The following SHISA6 variants were observed in gnomAD, a reference collection of about 807,000 sequenced individuals.
The protein encoded by SHISA6 is protein shisa-6.
A neutral mutation model predicts 47.9 loss-of-function variants in SHISA6; 22 were observed. The ratio of observed to expected loss-of-function variants is 0.46; its 90% CI spans 0.33 to 0.66. The LOEUF is 0.66. SHISA6 is among the 30% of genes least tolerant of loss of function. The pLI is 0.02. For synonymous variants in SHISA6, 388 were observed against 337.8 expected (o/e 1.15, Z -1.63); for missense variants, 680 against 764.6 (o/e 0.89, Z 1.30).
chr17:11,324,848 G>A (rs1341481560), intron 2 of SHISA6, among the ~76,000 whole-genome samples: 3 of 152,076 alleles, frequency 2.0e-5, no homozygotes, highest in Admixed American at 6.6e-5. Context: ...CTCACAGAGC[G>A]GTGATCAAAG....
intron 3 of SHISA6, among the ~76,000 whole-genome samples, chr17:11,488,955 C>T (rs1354221541): frequency 6.6e-6 from 1 of 152,136 alleles, no homozygotes; most frequent in African/African-American, 2.4e-5. Flanking sequence ...CTGGGGAGTC[C>T]ACGCTGCTCC....
intron 3 of SHISA6, among the ~76,000 whole-genome samples, chr17:11,483,797 A>C (rs1322093273): frequency 6.6e-6 from 1 of 152,116 alleles, no homozygotes; most frequent in African/African-American, 2.4e-5. Context: ...CTCTATAAAA[A>C]AATTAAAAAT....
At chr17:11,502,108 G>C (rs1340859090) in intron 3 of SHISA6, among the ~76,000 whole-genome samples, 1 of 152,166 alleles carries the variant, frequency 6.6e-6, no homozygotes, top group Non-Finnish European at 1.5e-5. Context: ...TACCATTGCA[G>C]AGGGTTAAGA....
chr17:11,525,297 T>C (rs1440529759), intron 3 of SHISA6, among the ~76,000 whole-genome samples: 1 of 152,068 alleles, frequency 6.6e-6, no homozygotes, highest in Middle Eastern at 3.2e-3. Context: ...GATGTACACT[T>C]ATTGGTACAA....
In SHISA6 at chr17:11,253,851, A is replaced by G. The variant is rs1038318339; in HGVS notation, c.639-9515A>G. ...CGCTTTTCTGCTTCTTGCCACAGTCATAACCAGCTGGGCCTGAGAGGTTAT... is the reference window on the plus strand; with the variant it reads ...CGCTTTTCTGCTTCTTGCCACAGTCGTAACCAGCTGGGCCTGAGAGGTTAT... On this transcript the variant is annotated intron_variant, in intron 1 of 5. Transcript: ENST00000441885. Among the ~76,000 whole-genome samples the G allele has an allele frequency of 1.6e-4, 25 of 152,220 alleles. No individual in the cohort carries two copies. In the Middle Eastern group the frequency reaches 0.014, roughly 83 times the overall value.
chr17:11,394,980 T>C (rs550129338), intron 3 of SHISA6, among the ~76,000 whole-genome samples: 192 of 149,836 alleles, frequency 1.3e-3, no homozygotes, highest in African/African-American at 4.5e-3. Context: ...ATGGTGGCCC[T>C]TTATTTTTTT....
At chr17:11,481,528 C>T (rs1217225240) in intron 3 of SHISA6, among the ~76,000 whole-genome samples, 16 of 150,608 alleles carry the variant, frequency 1.1e-4, no homozygotes, top group South Asian at 2.1e-4. Context: ...AGTCTCGCTC[C>T]GTCGCCCAGG....
chr17:11,424,042 A>G (rs995364210), intron 3 of SHISA6, among the ~76,000 whole-genome samples: 3 of 152,230 alleles, frequency 2.0e-5, no homozygotes, highest in African/African-American at 7.2e-5. Flanking sequence ...ATTAGGCTAA[A>G]TAGTTTAGAA....
Position 11,241,313 on chromosome 17 carries a change from G to A in SHISA6, c.-110G>A. The A allele has an allele frequency of 3.0e-6, 2 of 670,370 alleles. No homozygotes were observed. The highest frequency in any genetic ancestry group is 3.7e-6 in the Non-Finnish European group (2 of 542,644). 41.5% of individuals were successfully genotyped at this position (670,370 alleles called of 1,614,324 possible). A position where few individuals can be genotyped will look rare whatever the true frequency, so the allele number is the denominator to read the frequency against. Reference sequence around the variant, plus strand: ...ATGGCGCCATCGCCCCGGAGCCGCTGACCGCTCAGCGCCTCCAGCCCGGCC... The same window carrying A: ...ATGGCGCCATCGCCCCGGAGCCGCTAACCGCTCAGCGCCTCCAGCCCGGCC... On this transcript the variant is annotated 5_prime_UTR_variant, in exon 1 of 6. It removes the in-frame stop codon of an upstream open reading frame in the 5' UTR. Coordinates refer to ENST00000441885, the MANE Select transcript of SHISA6 (RefSeq NM_207386.4). This position sits in a 1 kb window ranked among gnomAD's most constrained non-coding sequence, Gnocchi z 5.5.
chr17:11,345,116 C>A (rs1911656425), intron 2 of SHISA6, among the ~76,000 whole-genome samples: 1 of 152,030 alleles, frequency 6.6e-6, no homozygotes, highest in Non-Finnish European at 1.5e-5. Context: ...GGAATTCATT[C>A]TTTTTTTATG....
chr17:11,282,954 A>G (rs945143160), intron 2 of SHISA6, among the ~76,000 whole-genome samples: 2 of 152,222 alleles, frequency 1.3e-5, no homozygotes, highest in African/African-American at 4.8e-5. Flanking sequence ...GGTTTACATT[A>G]AAAAACAGTC....
intron 2 of SHISA6, among the ~76,000 whole-genome samples, chr17:11,301,685 C>T (rs752372272): frequency 6.6e-6 from 1 of 152,168 alleles, no homozygotes; most frequent in African/African-American, 2.4e-5. Context: ...AACGTTCCTG[C>T]AATCTAGGTG....
intron 1 of SHISA6, among the ~76,000 whole-genome samples, chr17:11,257,845 A>G (rs181710793): frequency 4.6e-5 from 7 of 152,304 alleles, no homozygotes; most frequent in Admixed American, 1.3e-4. Flanking sequence ...ACTTACCTAA[A>G]GGAAACAAAA....
At chr17:11,435,436 A>G (rs1340671531) in intron 3 of SHISA6, among the ~76,000 whole-genome samples, 3 of 152,114 alleles carry the variant, frequency 2.0e-5, no homozygotes, top group Non-Finnish European at 2.9e-5. Context: ...GAAGCCTACT[A>G]GATTTTTAGA....
At chr17:11,518,036 A>G (rs2071599573) in intron 3 of SHISA6, among the ~76,000 whole-genome samples, 1 of 151,890 alleles carries the variant, frequency 6.6e-6, no homozygotes, top group Admixed American at 6.6e-5. Flanking sequence ...CACCAATAGA[A>G]CTATGGTTCT....
chr17:11,363,073 G>A (rs1008198830), intron 2 of SHISA6, among the ~76,000 whole-genome samples: 4 of 152,128 alleles, frequency 2.6e-5, no homozygotes, highest in Non-Finnish European at 5.9e-5. Context: ...TCATCCTTGT[G>A]AGCCAGCTCA....
At chr17:11,526,117 C>G (rs1429115851) in intron 3 of SHISA6, among the ~76,000 whole-genome samples, 2 of 151,980 alleles carry the variant, frequency 1.3e-5, no homozygotes, top group Non-Finnish European at 2.9e-5. Flanking sequence ...GGGACCCCCC[C>G]CCGCTCTCTG....
At chr17:11,362,584 C>T (rs974850905) in intron 2 of SHISA6, among the ~76,000 whole-genome samples, 2 of 152,228 alleles carry the variant, frequency 1.3e-5, no homozygotes, top group African/African-American at 4.8e-5. Flanking sequence ...TAAAACTAAG[C>T]TTTGCTGAAA....
chr17:11,252,548 T>G (rs116369986), intron 1 of SHISA6, among the ~76,000 whole-genome samples: 172 of 152,222 alleles, frequency 1.1e-3, no homozygotes, highest in African/African-American at 3.9e-3. Flanking sequence ...CAAGAGCCCA[T>G]CCATCCACTC....
Sources: allele counts gnomAD v4.1 joint callset (sites outside exome capture counted in the v4.1 genomes callset), GRCh38; gene constraint gnomAD v4.1.1; non-coding constraint Gnocchi (gnomAD v3.1); transcripts MANE v1.5; gene names NCBI Gene and HGNC (gene_info 2026-07-23, HGNC 2026-07-21).